The following CNTNAP3B variants were observed in gnomAD, a reference collection of about 807,000 sequenced individuals.
The protein encoded by CNTNAP3B is contactin-associated protein-like 3B.
In CNTNAP3B, 25 loss-of-function variants were observed where a neutral mutation model predicts 108.9. The observed-to-expected ratio is 0.23, with a 90% CI of 0.17 to 0.32. The LOEUF (loss-of-function observed/expected upper bound fraction) is 0.32. CNTNAP3B is among the 10% of genes least tolerant of loss of function. The probability of loss-of-function intolerance (pLI) is 1.00; values close to 1 mark genes in which losing one functional copy is unlikely to be tolerated. For synonymous variants in CNTNAP3B, 103 were observed against 473.4 expected (o/e 0.22, Z 10.16); for missense variants, 252 against 1,210.4 (o/e 0.21, Z 11.75).
At chr9:41,993,979 C>A (rs1355086131) in intron 7 of CNTNAP3B, 1 of 143,108 alleles carries the variant, frequency 7.0e-6, no homozygotes, top group African/African-American at 2.7e-5. Context: ...ATCCAGAACC[C>A]AGAGACACCA....
At chr9:41,966,346 T>C (rs1019450919) in intron 10 of CNTNAP3B, among the ~76,000 whole-genome samples, 2 of 152,302 alleles carry the variant, frequency 1.3e-5, no homozygotes, top group African/African-American at 4.8e-5. Context: ...AAGAACTATT[T>C]AAGTGATCTA....
intron 1 of CNTNAP3B, among the ~76,000 whole-genome samples, chr9:42,121,843 A>C (rs147238735): frequency 7.1e-6 from 1 of 140,646 alleles, no homozygotes; most frequent in East Asian, 2.1e-4. Flanking sequence ...AGAGATTTTA[A>C]CCTACTTGCA....
chr9:42,046,102 T>C lies in CNTNAP3B; in HGVS notation c.390+30767A>G, dbSNP rs1257336194. Among the ~76,000 whole-genome samples the C allele has an allele frequency of 8.7e-5, 11 of 125,984 alleles. 3 individuals carry two copies. In the South Asian group the frequency reaches 1.3e-3, roughly 15 times the overall value. 82.7% of individuals were successfully genotyped at this position (125,984 alleles called of 152,430 possible). On this transcript the variant is annotated intron_variant, in intron 3 of 23. Coordinates refer to ENST00000377561, the MANE Select transcript of CNTNAP3B (RefSeq NM_001201380.3). ...CCACAGTCAGTGCTGTGGGCTCACT[T>C]TGCAAACCACACAAGGACCGGCCTG...
chr9:42,030,839 A>AGAGAGAGT (rs1826512481), intron 3 of CNTNAP3B, among the ~76,000 whole-genome samples: 1 of 125,224 alleles, frequency 8.0e-6, no homozygotes, highest in East Asian at 2.5e-4. Context: ...AGAGAGAGAG[A>AGAGAGAGT]GAGAGAGATG....
intron 3 of CNTNAP3B, among the ~76,000 whole-genome samples, chr9:42,021,850 A>C (rs1826316347): frequency 1.4e-5 from 2 of 138,100 alleles, no homozygotes; most frequent in Admixed American, 1.5e-4. Flanking sequence ...AGTGAAATTG[A>C]AACTGCCTTT....
chr9:42,095,299 C>T (rs1827877417), intron 2 of CNTNAP3B, among the ~76,000 whole-genome samples: 1 of 137,752 alleles, frequency 7.3e-6, no homozygotes, highest in African/African-American at 2.9e-5. Context: ...GTTTATTTCA[C>T]TTAACATAAT....
chr9:42,066,570 G>T (rs1283347445), intron 3 of CNTNAP3B, among the ~76,000 whole-genome samples: 2 of 127,876 alleles, frequency 1.6e-5, no homozygotes, highest in African/African-American at 6.4e-5. Flanking sequence ...GGGATTACAG[G>T]CGCCTGCCAC....
intron 3 of CNTNAP3B, among the ~76,000 whole-genome samples, chr9:42,070,484 C>G (rs568381737): frequency 2.1e-5 from 3 of 144,906 alleles, no homozygotes; most frequent in Admixed American, 2.0e-4. Flanking sequence ...TGCAGACCTG[C>G]TCTTCCTCTG....
chr9:42,023,298 C>T (rs1206793234), intron 3 of CNTNAP3B, among the ~76,000 whole-genome samples: 24 of 151,942 alleles, frequency 1.6e-4, no homozygotes, highest in African/African-American at 5.8e-4. Context: ...ACATTCACTC[C>T]TGCTCCGAGT....
intron 18 of CNTNAP3B, among the ~76,000 whole-genome samples, 161 bp downstream of exon 18, chr9:41,919,909 A>C (rs1336452180): frequency 6.6e-6 from 1 of 151,788 alleles, no homozygotes; most frequent in African/African-American, 2.4e-5. Flanking sequence ...AAAAACAGTC[A>C]TATCCCTTCT....
chr9:41,920,824 A>G (rs1167853144), intron 17 of CNTNAP3B, among the ~76,000 whole-genome samples: 14 of 152,286 alleles, frequency 9.2e-5, no homozygotes, highest in African/African-American at 2.9e-4. Context: ...GGAAATGGAT[A>G]AGCAAAGGAG....
At chr9:41,964,295 C>A (rs1825197072) in intron 11 of CNTNAP3B, among the ~76,000 whole-genome samples, 1 of 152,114 alleles carries the variant, frequency 6.6e-6, no homozygotes. Flanking sequence ...TTCTCCTAGA[C>A]TTATTTCCCC....
intron 2 of CNTNAP3B, among the ~76,000 whole-genome samples, chr9:42,103,256 T>A (rs1281760655): frequency 2.7e-5 from 4 of 147,548 alleles, no homozygotes; most frequent in African/African-American, 1.1e-4. Context: ...ACAAATGAAA[T>A]CACAGACTTA....
chr9:42,028,645 AATG>A (rs1382283976), intron 3 of CNTNAP3B, among the ~76,000 whole-genome samples: 1 of 149,102 alleles, frequency 6.7e-6, no homozygotes, highest in Non-Finnish European at 1.5e-5. Context: ...AGAAAGAGTG[AATG>A]ATAACCATCC....
intron 3 of CNTNAP3B, among the ~76,000 whole-genome samples, chr9:42,074,966 C>T (rs528717380): frequency 3.4e-5 from 5 of 146,352 alleles, no homozygotes; most frequent in Admixed American, 2.7e-4. Flanking sequence ...GGAGGCCATA[C>T]GTCCAAGATC....
intron 12 of CNTNAP3B, among the ~76,000 whole-genome samples, chr9:41,956,109 A>G (rs1479096484): frequency 6.6e-6 from 1 of 152,250 alleles, no homozygotes; most frequent in Non-Finnish European, 1.5e-5. Flanking sequence ...GGTTGTGGCC[A>G]GGCGTGGTGG....
intron 2 of CNTNAP3B, among the ~76,000 whole-genome samples, chr9:42,078,813 T>C (rs1296563591): frequency 6.7e-6 from 1 of 149,974 alleles, no homozygotes; most frequent in Non-Finnish European, 1.5e-5. Context: ...TCTTTAGCCC[T>C]CAGTAGGAAC....
intron 3 of CNTNAP3B, among the ~76,000 whole-genome samples, chr9:42,024,611 A>T (rs1327978386): frequency 8.0e-6 from 1 of 124,762 alleles, no homozygotes; most frequent in Non-Finnish European, 1.7e-5. Context: ...AGATATCCAA[A>T]ACATTAAAAC....
intron 4 of CNTNAP3B, among the ~76,000 whole-genome samples, chr9:42,012,775 C>T (rs1449437478): frequency 4.3e-5 from 4 of 92,558 alleles, no homozygotes. Flanking sequence ...TCACTGAGTA[C>T]CACCAAATAA....
Sources: gnomAD v4.1 joint callset for allele counts (sites outside exome capture counted in the v4.1 genomes callset) on GRCh38, gnomAD v4.1.1 for gene constraint, MANE v1.5 for transcripts, NCBI Gene and HGNC (gene_info 2026-07-23, HGNC 2026-07-21) for gene names.